Variants in FTO observed in about 807,000 individuals in gnomAD.
The protein encoded by FTO is FTO alpha-ketoglutarate dependent dioxygenase.
In FTO, 47 loss-of-function variants were observed where a neutral mutation model predicts 63.9. The ratio of observed to expected loss-of-function variants is 0.74; its 90% CI spans 0.58 to 0.94. The LOEUF is 0.94. Ranked by LOEUF, FTO falls within the 40% of genes least tolerant of loss-of-function variation. The probability of loss-of-function intolerance (pLI) is 0.00; values close to 1 mark genes in which losing one functional copy is unlikely to be tolerated. For missense variants in FTO, 562 were observed against 618.1 expected (o/e 0.91, Z 0.96); for synonymous variants, 207 against 224.4 (o/e 0.92, Z 0.69).
At chr16:53,915,840 A>G (rs2081851196) in intron 7 of FTO, among the ~76,000 whole-genome samples, 1 of 152,208 alleles carries the variant, frequency 6.6e-6, no homozygotes, top group Non-Finnish European at 1.5e-5. Context: ...TAACCACTCA[A>G]CAAGGCAGGA....
chr16:53,829,288 T>G (rs887849047), intron 3 of FTO, among the ~76,000 whole-genome samples: 13 of 152,214 alleles, frequency 8.5e-5, no homozygotes, highest in African/African-American at 3.1e-4. Flanking sequence ...TTCTCCAGCT[T>G]TACTTCTCAC....
intron 1 of FTO, among the ~76,000 whole-genome samples, chr16:53,786,590 G>C (rs1460888412): frequency 3.3e-5 from 5 of 152,156 alleles, no homozygotes; most frequent in African/African-American, 1.2e-4. Flanking sequence ...TATTATTCTA[G>C]GTTCCTTGCG....
At chr16:53,783,788 G>A (rs145414019) in intron 1 of FTO, among the ~76,000 whole-genome samples, 2 of 150,396 alleles carry the variant, frequency 1.3e-5, no homozygotes, top group Admixed American at 6.6e-5. Flanking sequence ...ACTTTGTCTC[G>A]GAAAAAAAAA....
chr16:54,026,667 G>T (rs1246597286), intron 8 of FTO, among the ~76,000 whole-genome samples: 3 of 152,104 alleles, frequency 2.0e-5, no homozygotes, highest in Non-Finnish European at 2.9e-5. Flanking sequence ...GAACTCTCCT[G>T]GCAGCCCTTG....
At chr16:53,788,379 G>A (rs2077807182) in intron 1 of FTO, among the ~76,000 whole-genome samples, 1 of 151,954 alleles carries the variant, frequency 6.6e-6, no homozygotes. Context: ...GAGGTGGGCG[G>A]CTCACTTGAG....
chr16:53,814,279 A>G (rs2078613168), intron 2 of FTO, among the ~76,000 whole-genome samples: 1 of 152,182 alleles, frequency 6.6e-6, no homozygotes. Context: ...TAGTCAGAAA[A>G]CAAACTCTGA....
At chr16:53,834,804 T>TA (rs1256451659) in intron 3 of FTO, among the ~76,000 whole-genome samples, 1 of 152,184 alleles carries the variant, frequency 6.6e-6, no homozygotes, top group Non-Finnish European at 1.5e-5. Flanking sequence ...GTTGATAACA[T>TA]ACTTACATTG....
chr16:53,718,375 A>T (rs1418807854), intron 1 of FTO, among the ~76,000 whole-genome samples: 1 of 152,158 alleles, frequency 6.6e-6, no homozygotes, highest in Admixed American at 6.5e-5. Context: ...TTTGGCCACA[A>T]TACAGAATGC....
At chr16:53,724,484 G>A (rs901791300) in intron 1 of FTO, among the ~76,000 whole-genome samples, 4 of 152,184 alleles carry the variant, frequency 2.6e-5, no homozygotes, top group Non-Finnish European at 4.4e-5. Context: ...TCTCTGATGG[G>A]GGCCACTAGG....
intron 8 of FTO, among the ~76,000 whole-genome samples, chr16:54,080,403 C>T (rs1461441021): frequency 6.6e-6 from 1 of 152,200 alleles, no homozygotes; most frequent in African/African-American, 2.4e-5. Context: ...CATTCACGAT[C>T]TCGTTGAGTC....
At chr16:53,851,427 C>A (rs1486016492) in intron 4 of FTO, among the ~76,000 whole-genome samples, 5 of 151,092 alleles carry the variant, frequency 3.3e-5, no homozygotes, top group African/African-American at 7.3e-5. Context: ...CCACTGCACT[C>A]CAGCCTGGGC....
intron 1 of FTO, among the ~76,000 whole-genome samples, chr16:53,798,746 C>T (rs2078144876): frequency 6.6e-6 from 1 of 152,160 alleles, no homozygotes. Flanking sequence ...GGATACTTTT[C>T]ACTTCTTTTT....
At chr16:53,840,080 G>A (rs2079430475) in intron 3 of FTO, among the ~76,000 whole-genome samples, 1 of 152,050 alleles carries the variant, frequency 6.6e-6, no homozygotes, top group South Asian at 2.1e-4. Flanking sequence ...TGGGATTACA[G>A]GTGTGAGCCA....
intron 7 of FTO, among the ~76,000 whole-genome samples, chr16:53,919,421 C>T (rs2081956965): frequency 6.6e-6 from 1 of 152,058 alleles, no homozygotes; most frequent in African/African-American, 2.4e-5. Context: ...GTGGAGATGC[C>T]TTAAAGAACT....
At chr16:53,828,852 C>A (rs947825103) in intron 3 of FTO, among the ~76,000 whole-genome samples, 1 of 152,204 alleles carries the variant, frequency 6.6e-6, no homozygotes, top group South Asian at 2.1e-4. Context: ...ATTTCTTATC[C>A]CAGCAGTGTA....
intron 7 of FTO, among the ~76,000 whole-genome samples, chr16:53,913,633 G>A (rs1208973696): frequency 1.3e-5 from 2 of 152,236 alleles, no homozygotes; most frequent in South Asian, 2.1e-4. Context: ...TTCCTGAGAA[G>A]TAGGAAGTAT....
At position 53,983,962 on chromosome 16, in the gene FTO, G is replaced by A. The variant is rs1020119181; in HGVS notation, c.1364+49853G>A. Among the ~76,000 whole-genome samples, 8 of 152,206 alleles carry A rather than the reference G, an allele frequency of 5.3e-5. No homozygotes were observed. In the South Asian group the frequency reaches 6.2e-4, roughly 12 times the overall value. ...TTTGAGGGCTAGCTTTGGCCTACAA[G>A]CCACTAGGTTGTAACTTCAGCTTTC... On this transcript the variant is annotated intron_variant, in intron 8 of 8. Transcript: ENST00000471389.
intron 8 of FTO, among the ~76,000 whole-genome samples, chr16:53,988,962 T>C (rs1197211109): frequency 1.3e-5 from 2 of 152,176 alleles, no homozygotes; most frequent in Non-Finnish European, 2.9e-5. Flanking sequence ...AAACCATTTT[T>C]TGGGAGACCT....
At chr16:53,728,168 G>GCAAA (rs2076193677) in intron 1 of FTO, among the ~76,000 whole-genome samples, 1 of 152,068 alleles carries the variant, frequency 6.6e-6, no homozygotes, top group African/African-American at 2.4e-5. Context: ...GAGCCCAGGA[G>GCAAA]TTTGAGGTTA....
Sources: allele counts gnomAD v4.1 joint callset (sites outside exome capture counted in the v4.1 genomes callset), GRCh38; gene constraint gnomAD v4.1.1; transcripts MANE v1.5; gene names NCBI Gene and HGNC (gene_info 2026-07-23, HGNC 2026-07-21).